CDK13: variants seen among roughly 807,000 people sequenced by gnomAD.
CDK13 encodes cyclin-dependent kinase 13.
Under a neutral mutation model 137.6 loss-of-function variants are expected in CDK13, and 40 were observed. That is an observed-to-expected ratio of 0.29 (90% CI 0.23 to 0.38). The LOEUF (loss-of-function observed/expected upper bound fraction) is 0.38. Ranked by LOEUF, CDK13 falls within the 10% of genes least tolerant of loss-of-function variation. CDK13 has a pLI of 1.00. For synonymous variants in CDK13, 869 were observed against 760.1 expected, an observed-to-expected ratio of 1.14 and a Z score of -2.36; for missense variants, 1,704 against 1,951.8, an observed-to-expected ratio of 0.87 and a Z score of 2.39.
chr7:40,053,153 G>C (rs1785931090), intron 7 of CDK13, among the ~76,000 whole-genome samples: 1 of 151,938 alleles, frequency 6.6e-6, no homozygotes, highest in African/African-American at 2.4e-5. Flanking sequence ...CCTTCTGTTG[G>C]GGGTATATCA....
chr7:40,068,432 A>G (rs908393527), intron 9 of CDK13, among the ~76,000 whole-genome samples: 6 of 152,046 alleles, frequency 3.9e-5, no homozygotes, highest in African/African-American at 7.2e-5. Flanking sequence ...ACAATGGCTC[A>G]CGCCTCTAGT....
At chr7:39,979,426 G>C (rs1784178842) in intron 1 of CDK13, among the ~76,000 whole-genome samples, 1 of 152,100 alleles carries the variant, frequency 6.6e-6, no homozygotes, top group Non-Finnish European at 1.5e-5. Flanking sequence ...ATGTTGGTCA[G>C]GTTGGTCTCG....
intron 5 of CDK13, among the ~76,000 whole-genome samples, chr7:40,003,049 A>G (rs918803864): frequency 2.6e-5 from 4 of 151,904 alleles, no homozygotes; most frequent in Non-Finnish European, 5.9e-5. Context: ...CTGCACTCCA[A>G]CCTCGGTGAC....
At position 40,081,935 on chromosome 7, in the gene CDK13, G is replaced by GA. The variant is rs569618763; in HGVS notation, c.3029+3090dup. Among the ~76,000 whole-genome samples, 15 of 152,186 alleles carry GA rather than the reference G, an allele frequency of 9.9e-5. No homozygotes were observed. In the Middle Eastern group the frequency reaches 0.01, roughly 104 times the overall value. On this transcript the variant is annotated intron_variant, in intron 11 of 13. Coordinates refer to ENST00000181839, the MANE Select transcript of CDK13 (RefSeq NM_003718.5). The stretch of plus-strand genomic sequence containing the variant: ...CCCAAATATTTCCATTTTAAATAAA[G>GA]AAAAAATTAGTAAATTTTGTTGGAA...
chr7:40,047,085 T>C (rs889718352), intron 6 of CDK13, among the ~76,000 whole-genome samples: 3 of 152,042 alleles, frequency 2.0e-5, no homozygotes, highest in African/African-American at 7.2e-5. Flanking sequence ...TTGACTTTTC[T>C]GTTTGCTATT....
At chr7:40,088,019 C>T in intron 11 of CDK13, 107 bp from the exon 12 acceptor site, 2 of 827,508 alleles carry the variant, frequency 2.4e-6, no homozygotes, top group Non-Finnish European at 3.8e-6. Context: ...TCTATGAAGT[C>T]TTCAAGAACT....
rs2015842 is a variant in CDK13, at chr7:40,093,964, A to G, written c.3689-166A>G. Among the ~76,000 whole-genome samples, 13,567 of 151,148 alleles carry G rather than the reference A, an allele frequency of 0.09. 985 individuals carry two copies. The highest frequency in any genetic ancestry group is 0.33 in the East Asian group (1,669 of 5,086). The stretch of plus-strand genomic sequence containing the variant: ...AGAGAAGCCATATACAGTAAAATTT[A>G]CCAGTTACCATAGTACTTGTAAACT... On this transcript the variant is annotated intron_variant, in intron 13 of 13. Coordinates refer to ENST00000181839, the MANE Select transcript of CDK13 (RefSeq NM_003718.5).
intron 5 of CDK13, among the ~76,000 whole-genome samples, chr7:40,036,564 C>T (rs963280598): frequency 4.6e-5 from 7 of 151,820 alleles, no homozygotes; most frequent in African/African-American, 1.5e-4. Context: ...GCGCGAGACT[C>T]CGTCTCAAAA....
intron 7 of CDK13, among the ~76,000 whole-genome samples, chr7:40,060,109 T>C (rs1786108734): frequency 6.6e-6 from 1 of 152,224 alleles, no homozygotes. Context: ...TATTCTAGTT[T>C]GCTAAGGTGA....
intron 3 of CDK13, chr7:39,997,972 G>C (rs1488986886): frequency 4.3e-6 from 1 of 232,660 alleles, no homozygotes; most frequent in Non-Finnish European, 8.3e-6. Context: ...AAATTGGGCA[G>C]AGTAGAAGTC....
intron 2 of CDK13, among the ~76,000 whole-genome samples, chr7:39,990,539 A>C (rs1470730776): frequency 6.6e-6 from 1 of 152,236 alleles, no homozygotes; most frequent in Admixed American, 6.5e-5. Flanking sequence ...AAATGGTTAG[A>C]AGTGATTACT....
In CDK13 at chr7:40,093,198, C is replaced by A. The variant is rs774449518; in HGVS notation, c.3649C>A (p.Gln1217Lys). 1.2e-6 allele frequency: 2 copies of A among 1,613,630 alleles called. No homozygotes were observed. Among genetic ancestry groups the A allele is most frequent in the African/African-American group, 2.7e-5 (2 of 74,926 alleles). Residue 1217 changes from glutamine (Q) to lysine (K), a missense_variant, in exon 13 of 14, where the codon CAA (glutamine) becomes AAA (lysine). Transcript: ENST00000181839. ...ENGSGHEASL[Q>K]LRPPPEPSTP... The stretch of plus-strand genomic sequence containing the variant: ...TGGATCGGGACATGAAGCGTCATTA[C>A]AACTCAGGCCACCTCCAGAACCTAG...
chr7:40,002,523 A>T (rs1784704292), intron 5 of CDK13, among the ~76,000 whole-genome samples: 1 of 152,170 alleles, frequency 6.6e-6, no homozygotes, highest in Non-Finnish European at 1.5e-5. Flanking sequence ...CTGACAAAAA[A>T]TTAGCCTGCT....
chr7:40,070,036 C>A (rs1786377242), intron 9 of CDK13: 1 of 120,946 alleles, frequency 8.3e-6, no homozygotes, highest in Non-Finnish European at 1.6e-5. Context: ...TCCGGGCTAA[C>A]ACGGTGAAAC....
Position 39,951,687 on chromosome 7 carries a change from G to T in CDK13, c.1046G>T (p.Ser349Ile). The T allele has an allele frequency of 6.8e-7, 1 of 1,460,640 alleles. No individual in the cohort carries two copies. The highest frequency in any genetic ancestry group is 9.0e-7 in the Non-Finnish European group (1 of 1,112,840). The allele number at this position is 1,460,640 out of a possible 1,614,324, so 90.5% of individuals were successfully genotyped here. Reference protein sequence around the residue: ...KSPSPAGGGSSPYSRRLPRSP... With the variant: ...KSPSPAGGGSIPYSRRLPRSP... Reference sequence around the variant, plus strand: ...CCCAGCCCGGCAGGAGGTGGCAGCAGCCCCTATTCTCGGCGGCTGCCGCGC... The same window carrying T: ...CCCAGCCCGGCAGGAGGTGGCAGCATCCCCTATTCTCGGCGGCTGCCGCGC... Residue 349 changes from serine (S) to isoleucine (I), a missense_variant, in exon 1 of 14, where the codon AGC (serine) becomes ATC (isoleucine). Ser to Ile is a moderately radical substitution (Grantham distance 142). This residue lies in a region of CDK13 where 1,051 missense variants were observed against 931.0 expected (regional missense o/e 1.13). Transcript: ENST00000181839.
intron 1 of CDK13, among the ~76,000 whole-genome samples, chr7:39,981,107 G>A (rs1390331612): frequency 6.6e-6 from 1 of 152,206 alleles, no homozygotes; most frequent in Non-Finnish European, 1.5e-5. Context: ...GCTGGGTGCA[G>A]TGGCTCATGC....
chr7:40,046,066 C>A, intron 6 of CDK13, 41 bp downstream of exon 6: 2 of 1,226,136 alleles, frequency 1.6e-6, no homozygotes, highest in East Asian at 2.3e-5. Flanking sequence ...ATGAGTTTTA[C>A]CATGGACATG....
At chr7:40,089,723 A>AGAGTAT (rs1491307176) in intron 12 of CDK13, among the ~76,000 whole-genome samples, 1 of 125,154 alleles carries the variant, frequency 8.0e-6, no homozygotes, top group Non-Finnish European at 1.5e-5. Context: ...AGAGAGAGAG[A>AGAGTAT]GTGTGTGTGT....
intron 1 of CDK13, among the ~76,000 whole-genome samples, chr7:39,967,368 A>G (rs1243860480): frequency 6.6e-6 from 1 of 152,108 alleles, no homozygotes. Context: ...TAAAGGCTAC[A>G]GTAAGCTGAG....
Sources: allele counts gnomAD v4.1 joint callset (sites outside exome capture counted in the v4.1 genomes callset), GRCh38; gene constraint gnomAD v4.1.1; regional missense constraint gnomAD v4.1.1; transcripts MANE v1.5; gene names NCBI Gene and HGNC (gene_info 2026-07-23, HGNC 2026-07-21).